The following FSTL5 variants were observed in gnomAD, a reference collection of about 807,000 sequenced individuals.
The protein encoded by FSTL5 is follistatin like 5, also known as follistatin-related protein 5.
Under a neutral mutation model 89.1 loss-of-function variants are expected in FSTL5, and 62 were observed. That is an observed-to-expected ratio of 0.70 (90% CI 0.57 to 0.86). FSTL5 has a LOEUF of 0.86. Among genes scored for constraint, FSTL5 ranks in the 40% least tolerant of loss-of-function variants. The pLI is 0.00. For missense variants in FSTL5, 1,057 were observed against 1,001.6 expected, an observed-to-expected ratio of 1.06 and a Z score of -0.75; for synonymous variants, 383 against 346.2, an observed-to-expected ratio of 1.11 and a Z score of -1.18.
chr4:161,708,234 G>T (rs1043952391), intron 6 of FSTL5, among the ~76,000 whole-genome samples: 20 of 151,852 alleles, frequency 1.3e-4, no homozygotes, highest in Admixed American at 5.9e-4. Flanking sequence ...TTTGTTTCAG[G>T]TTGAAAACTA....
intron 6 of FSTL5, among the ~76,000 whole-genome samples, chr4:161,721,284 CAAAAAAA>C (rs34307838): frequency 1.5e-5 from 1 of 65,126 alleles, no homozygotes; most frequent in African/African-American, 5.6e-5. Flanking sequence ...GACTCCGTCT[CAAAAAAA>C]AAAAAAAAAA....
intron 15 of FSTL5, among the ~76,000 whole-genome samples, chr4:161,428,975 C>T (rs1232841594): frequency 6.6e-6 from 1 of 152,088 alleles, no homozygotes; most frequent in Non-Finnish European, 1.5e-5. Context: ...AGGACCTACC[C>T]TGGGCCAGGG....
Position 161,605,951 on chromosome 4 carries a change from T to C in FSTL5, c.895-18376A>G, listed in dbSNP as rs988656731. ...AAGCAGAGACATGGAAAAAGAAAAG[T>C]GTGCATTTCTCCTTGTTCTATTATT... On this transcript the variant is annotated intron_variant, in intron 7 of 15. Transcript: ENST00000306100. 7.4e-5 allele frequency among the ~76,000 whole-genome samples: 11 copies of C among 149,472 alleles called. No homozygotes were observed. In the East Asian group the frequency reaches 2.1e-3, roughly 29 times the overall value.
At chr4:162,125,621 C>T (rs1232194901) in intron 1 of FSTL5, among the ~76,000 whole-genome samples, 1 of 151,970 alleles carries the variant, frequency 6.6e-6, no homozygotes, top group Non-Finnish European at 1.5e-5. Context: ...ATAAGGAAAT[C>T]CTTGGTTCTT....
At chr4:162,130,350 A>G (rs879583702) in intron 1 of FSTL5, among the ~76,000 whole-genome samples, 3 of 152,010 alleles carry the variant, frequency 2.0e-5, no homozygotes, top group Non-Finnish European at 2.9e-5. Flanking sequence ...AATTGCATAT[A>G]GTCTTTTAAA....
At chr4:161,623,287 G>A (rs539257003) in intron 7 of FSTL5, among the ~76,000 whole-genome samples, 1 of 152,022 alleles carries the variant, frequency 6.6e-6, no homozygotes, top group East Asian at 1.9e-4. Context: ...ATAAGTCAAG[G>A]AAAATAAATA....
At chr4:161,448,182 T>G (rs1733017928) in intron 15 of FSTL5, among the ~76,000 whole-genome samples, 2 of 152,160 alleles carry the variant, frequency 1.3e-5, no homozygotes, top group African/African-American at 4.8e-5. Context: ...CATGTGAGGA[T>G]GAAAGGAGTT....
At chr4:161,938,191 T>C (rs1401307450) in intron 3 of FSTL5, among the ~76,000 whole-genome samples, 1 of 152,094 alleles carries the variant, frequency 6.6e-6, no homozygotes, top group African/African-American at 2.4e-5. Context: ...AGTTTAAATA[T>C]TTGTTTACTA....
At chr4:162,052,395 A>G (rs755653143) in intron 2 of FSTL5, among the ~76,000 whole-genome samples, 12 of 151,800 alleles carry the variant, frequency 7.9e-5, no homozygotes, top group Non-Finnish European at 1.5e-4. Context: ...ATACTATAAC[A>G]TACAGTCAGA....
At chr4:161,721,778 T>C (rs1175451719) in intron 6 of FSTL5, among the ~76,000 whole-genome samples, 1 of 152,202 alleles carries the variant, frequency 6.6e-6, no homozygotes, top group Non-Finnish European at 1.5e-5. Flanking sequence ...ATAGGCAAGC[T>C]TTTCTTTGGA....
chr4:161,398,972 T>C (rs951208965), intron 15 of FSTL5, among the ~76,000 whole-genome samples: 2 of 152,132 alleles, frequency 1.3e-5, no homozygotes, highest in African/African-American at 4.8e-5. Flanking sequence ...TATAGCCACT[T>C]GGTGCAATAG....
chr4:161,912,366 C>T (rs1298739094), intron 4 of FSTL5, among the ~76,000 whole-genome samples: 1 of 152,122 alleles, frequency 6.6e-6, no homozygotes, highest in African/African-American at 2.4e-5. Flanking sequence ...CCAGAATTCC[C>T]ATGTGTTGTT....
chr4:161,401,253 A>G (rs1731169450), intron 15 of FSTL5, among the ~76,000 whole-genome samples: 1 of 152,182 alleles, frequency 6.6e-6, no homozygotes, highest in Non-Finnish European at 1.5e-5. Context: ...CCTTTCTCTG[A>G]TGTCTACTTC....
intron 1 of FSTL5, among the ~76,000 whole-genome samples, chr4:162,125,777 C>T (rs1191213413): frequency 2.0e-5 from 3 of 151,832 alleles, no homozygotes; most frequent in African/African-American, 7.3e-5. Flanking sequence ...TGTTTTTTTA[C>T]TATAACAAAA....
rs76000640 is a variant in FSTL5, at chr4:161,868,550, G to T, written c.409+51854C>A. On this transcript the variant is annotated intron_variant, in intron 4 of 15. Transcript: ENST00000306100. Reference sequence around the variant, plus strand: ...CAATTTGATCTCCACAATATTGTCAGAGTTATCTTTCTCACAAGTTTGTAC... The same window carrying T: ...CAATTTGATCTCCACAATATTGTCATAGTTATCTTTCTCACAAGTTTGTAC... 0.016 allele frequency among the ~76,000 whole-genome samples: 2,377 copies of T among 152,216 alleles called. 164 individuals carry two copies. The East Asian group carries it at 0.18, about 12-fold the overall frequency.
chr4:161,563,144 C>A lies in FSTL5; in HGVS notation c.1016-20451G>T, dbSNP rs148348468. On this transcript the variant is annotated intron_variant, in intron 8 of 15. Transcript: ENST00000306100. Reference sequence around the variant, plus strand: ...TGAACAATATTAAATATGACTCACCCTAACTGGAAACATATTTTATGGACA... The same window carrying A: ...TGAACAATATTAAATATGACTCACCATAACTGGAAACATATTTTATGGACA... 4.5e-3 allele frequency among the ~76,000 whole-genome samples: 687 copies of A among 152,018 alleles called. 14 individuals are homozygous for A. Among genetic ancestry groups the A allele is most frequent in the East Asian group, 0.032 (164 of 5,142 alleles).
intron 6 of FSTL5, among the ~76,000 whole-genome samples, chr4:161,737,775 A>G (rs1244930749): frequency 6.6e-6 from 1 of 151,234 alleles, no homozygotes; most frequent in East Asian, 2.0e-4. Context: ...ACCCCCATTT[A>G]TTGTGTAGAT....
At chr4:161,964,661 A>T (rs1735273197) in intron 3 of FSTL5, among the ~76,000 whole-genome samples, 1 of 152,014 alleles carries the variant, frequency 6.6e-6, no homozygotes, top group African/African-American at 2.4e-5. Flanking sequence ...GTGTTCTTTC[A>T]TGAAAACAGG....
At chr4:161,524,241 T>G (rs550365525) in intron 10 of FSTL5, among the ~76,000 whole-genome samples, 1 of 152,170 alleles carries the variant, frequency 6.6e-6, no homozygotes, top group Non-Finnish European at 1.5e-5. Context: ...TTTACCTATA[T>G]AGCCTGGAAG....
Sources: gnomAD v4.1 joint callset for allele counts (sites outside exome capture counted in the v4.1 genomes callset) on GRCh38, gnomAD v4.1.1 for gene constraint, MANE v1.5 for transcripts, NCBI Gene and HGNC (gene_info 2026-07-23, HGNC 2026-07-21) for gene names.